The following VRK2 variants were observed in gnomAD, a reference collection of about 807,000 sequenced individuals.
VRK2 encodes the protein serine/threonine-protein kinase VRK2.
VRK2 carries 60 observed loss-of-function variants against 57.6 expected under a neutral mutation model. The ratio of observed to expected loss-of-function variants is 1.04; its 90% confidence interval spans 0.85 to 1.29. VRK2 has a LOEUF of 1.29. VRK2 is among the 50% of genes most tolerant of loss of function. The pLI, the probability that VRK2 is intolerant of heterozygous loss-of-function variation, is 0.00. For missense variants in VRK2, 705 were observed against 588.1 expected (o/e 1.20, Z -2.06); for synonymous variants, 231 against 199.2 (o/e 1.16, Z -1.35).
In VRK2 at chr2:57,949,988, T is replaced by A. The variant is rs552486871; in HGVS notation, c.-439+42149T>A. Among the ~76,000 whole-genome samples, 59 of 152,310 alleles carry A rather than the reference T, an allele frequency of 3.9e-4. No individual in the cohort carries two copies. The South Asian group carries it at 5.0e-3, about 13-fold the overall frequency. On this transcript the variant is annotated intron_variant, in intron 1 of 15. Coordinates refer to the VRK2 transcript ENST00000417641. ...CTAATCAAGAGCAATACCTGAACTC[T>A]CTTCAATTCTGTGAATGTTGAGAGA...
At chr2:57,927,978 T>C (rs572365662) in intron 1 of VRK2, among the ~76,000 whole-genome samples, 2 of 152,320 alleles carry the variant, frequency 1.3e-5, no homozygotes, top group South Asian at 2.1e-4. Flanking sequence ...TTCTTTATCA[T>C]AGATCTTTGA....
chr2:58,047,242 G>C (rs781768675), intron 1 of VRK2: 2 of 294,820 alleles, frequency 6.8e-6, no homozygotes, highest in Non-Finnish European at 1.0e-5. Context: ...AGGCGGCTGG[G>C]CCGCGCTGCT....
intron 7 of VRK2, among the ~76,000 whole-genome samples, chr2:58,113,547 A>T (rs1325390558): frequency 6.6e-6 from 1 of 152,012 alleles, no homozygotes; most frequent in Admixed American, 6.5e-5. Flanking sequence ...GCGAAGGGAG[A>T]TAGGGGTGGG....
chr2:58,159,306 C>G (rs774033309), intron 12 of VRK2, 43 bp from the exon 13 acceptor site: 45 of 1,440,678 alleles, frequency 3.1e-5, no homozygotes, highest in Non-Finnish European at 4.2e-5. Flanking sequence ...ACTTGGATAA[C>G]TCACGTCTAA....
Position 57,918,834 on chromosome 2 carries a change from C to T in VRK2, c.-439+10995C>T, listed in dbSNP as rs190232707. Among the ~76,000 whole-genome samples, 65 of 152,172 alleles carry T rather than the reference C, an allele frequency of 4.3e-4. 1 individual carries two copies. In the South Asian group the frequency reaches 0.011, roughly 25 times the overall value. ...GTGTGCTCAATTGAAATTCCATGAG[C>T]CCAGTCTAATCCTGATCCTTCTTGA... On this transcript the variant is annotated intron_variant, in intron 1 of 15. Transcript: ENST00000417641.
chr2:57,999,038 G>T (rs568481395), intron 1 of VRK2, among the ~76,000 whole-genome samples: 1 of 151,822 alleles, frequency 6.6e-6, no homozygotes, highest in Non-Finnish European at 1.5e-5. Context: ...TATATCTACT[G>T]GACAGTTGTT....
chr2:58,153,083 GA>G lies in VRK2; in HGVS notation c.1183-6263del, dbSNP rs1378065168. 3.3e-5 allele frequency among the ~76,000 whole-genome samples: 5 copies of G among 151,944 alleles called. No homozygotes were observed. The East Asian group carries it at 9.6e-4, about 29-fold the overall frequency. On this transcript the variant is annotated intron_variant, in intron 12 of 12. Coordinates refer to ENST00000340157, the MANE Select transcript of VRK2 (RefSeq NM_006296.7). ...ACTCTCTTCCCAATCCTAATCCTCAGAAAGCAGTGGGTTTATTCTGCATCAC... is the reference window on the plus strand; with the variant it reads ...ACTCTCTTCCCAATCCTAATCCTCAGAAGCAGTGGGTTTATTCTGCATCAC...
At chr2:58,082,825 A>G (rs568955208) in intron 2 of VRK2, among the ~76,000 whole-genome samples, 4 of 151,972 alleles carry the variant, frequency 2.6e-5, no homozygotes, top group Non-Finnish European at 4.4e-5. Context: ...CTGAAATAAT[A>G]CTTTCTTCAA....
At chr2:57,987,391 G>A (rs1672630506) in intron 1 of VRK2, among the ~76,000 whole-genome samples, 1 of 152,128 alleles carries the variant, frequency 6.6e-6, no homozygotes, top group South Asian at 2.1e-4. Flanking sequence ...TGGCAAATAT[G>A]CACATGAAAA....
At chr2:58,104,081 A>G (rs1460720917) in intron 7 of VRK2, among the ~76,000 whole-genome samples, 2 of 151,688 alleles carry the variant, frequency 1.3e-5, no homozygotes, top group African/African-American at 4.8e-5. Context: ...CCTCAAAATA[A>G]CAAAGGCCAT....
At chr2:58,048,154 G>C (rs1264953311) in intron 1 of VRK2, among the ~76,000 whole-genome samples, 1 of 151,442 alleles carries the variant, frequency 6.6e-6, no homozygotes, top group Non-Finnish European at 1.5e-5. Context: ...TTATGCTTTT[G>C]TTGTTGGTGG....
intron 2 of VRK2, among the ~76,000 whole-genome samples, chr2:58,076,067 C>T (rs1451573252): frequency 1.3e-5 from 2 of 148,252 alleles, no homozygotes; most frequent in Admixed American, 1.3e-4. Context: ...GTGGAAACCT[C>T]TCTTTACTTT....
chr2:58,031,783 T>C (rs970032637), intron 2 of VRK2, among the ~76,000 whole-genome samples: 20 of 152,112 alleles, frequency 1.3e-4, no homozygotes, highest in Non-Finnish European at 1.9e-4. Flanking sequence ...ATTTGAATCA[T>C]ATCTGCTCAG....
chr2:58,019,148 C>CA (rs1673671616), intron 1 of VRK2, among the ~76,000 whole-genome samples: 1 of 152,164 alleles, frequency 6.6e-6, no homozygotes, highest in Non-Finnish European at 1.5e-5. Flanking sequence ...ATCCAATTCT[C>CA]AAAAAATATT....
At chr2:58,121,974 C>G (rs1677578221) in intron 7 of VRK2, among the ~76,000 whole-genome samples, 2 of 152,162 alleles carry the variant, frequency 1.3e-5, no homozygotes, top group Non-Finnish European at 2.9e-5. Context: ...CTTTTCTCTC[C>G]AAAAGTAATC....
At chr2:58,031,869 T>C (rs1674121231) in intron 2 of VRK2, among the ~76,000 whole-genome samples, 2 of 152,040 alleles carry the variant, frequency 1.3e-5, no homozygotes, top group Admixed American at 6.6e-5. Context: ...AGAAGAGGAA[T>C]TGAAATTATA....
At chr2:58,134,382 C>T (rs1468870865) in intron 9 of VRK2, among the ~76,000 whole-genome samples, 5 of 151,804 alleles carry the variant, frequency 3.3e-5, no homozygotes, top group African/African-American at 4.8e-5. Context: ...GAGGCCGAGG[C>T]GGGTGGATCA....
intron 7 of VRK2, among the ~76,000 whole-genome samples, chr2:58,119,563 T>C (rs747159928): frequency 4.4e-4 from 67 of 151,798 alleles, no homozygotes; most frequent in Non-Finnish European, 9.1e-4. Flanking sequence ...CAAATTAATT[T>C]GTCAACATTT....
chr2:58,071,074 T>G (rs1442254687), intron 2 of VRK2, among the ~76,000 whole-genome samples: 1 of 152,196 alleles, frequency 6.6e-6, no homozygotes, highest in Non-Finnish European at 1.5e-5. Flanking sequence ...ATGTTAAGCA[T>G]CTTTTCGTAT....
Sources: allele counts gnomAD v4.1 joint callset (sites outside exome capture counted in the v4.1 genomes callset), GRCh38; gene constraint gnomAD v4.1.1; transcripts MANE v1.5; gene names NCBI Gene and HGNC (gene_info 2026-07-23, HGNC 2026-07-21).